ANKRD36: variants seen among roughly 807,000 people sequenced by gnomAD.
ANKRD36 encodes the protein ankyrin repeat domain 36.
A neutral mutation model predicts 278.1 loss-of-function variants in ANKRD36; 179 were observed. The ratio of observed to expected loss-of-function variants is 0.64; its 90% CI spans 0.57 to 0.73. The LOEUF is 0.73. Among genes scored for constraint, ANKRD36 ranks in the 30% least tolerant of loss-of-function variants. The probability of loss-of-function intolerance (pLI) is 0.00; values close to 1 mark genes in which losing one functional copy is unlikely to be tolerated. For synonymous variants in ANKRD36, 320 were observed against 641.1 expected (o/e 0.50, Z 7.57); for missense variants, 1,159 against 1,956.7 (o/e 0.59, Z 7.69).
chr2:97,125,840 A>G (rs906522913), intron 5 of ANKRD36, among the ~76,000 whole-genome samples: 1 of 152,014 alleles, frequency 6.6e-6, no homozygotes, highest in Non-Finnish European at 1.5e-5. Context: ...AGTTAGATTT[A>G]ACAGAGCTAA....
At chr2:97,147,593 G>GT in intron 11 of ANKRD36, among the ~76,000 whole-genome samples, 1 of 148,996 alleles carries the variant, frequency 6.7e-6, no homozygotes, top group Admixed American at 6.7e-5. Context: ...TTGCACTCAG[G>GT]TTTCTTAGTT....
At chr2:97,134,122 A>G (rs898825422) in intron 6 of ANKRD36, among the ~76,000 whole-genome samples, 1 of 152,058 alleles carries the variant, frequency 6.6e-6, no homozygotes, top group Non-Finnish European at 1.5e-5. Flanking sequence ...CATAGTTTTG[A>G]TATGTCCAGC....
chr2:97,178,588 A>G (rs1222689929), intron 22 of ANKRD36, among the ~76,000 whole-genome samples: 1 of 150,410 alleles, frequency 6.6e-6, no homozygotes, highest in East Asian at 2.0e-4. Context: ...ACAAAAAACC[A>G]AACACCGCAT....
chr2:97,150,706 A>T (rs59398154), intron 12 of ANKRD36, among the ~76,000 whole-genome samples: 5,405 of 149,996 alleles, frequency 0.036, 217 homozygotes, highest in African/African-American at 0.12. Flanking sequence ...ATACAGCCTA[A>T]TATCTTCCAA....
At chr2:97,186,679 G>A (rs2057467550) in intron 30 of ANKRD36, among the ~76,000 whole-genome samples, 1 of 151,764 alleles carries the variant, frequency 6.6e-6, no homozygotes, top group Admixed American at 6.6e-5. Context: ...ATCAATTTAG[G>A]ACACTTCACT....
chr2:97,195,404 A>G (rs2059487192), intron 40 of ANKRD36, among the ~76,000 whole-genome samples: 1 of 151,950 alleles, frequency 6.6e-6, no homozygotes, highest in South Asian at 2.1e-4. Context: ...GAAAAGAGGA[A>G]GTCATTTATA....
At chr2:97,228,316 C>T (rs2070663678) in intron 67 of ANKRD36, among the ~76,000 whole-genome samples, 1 of 152,148 alleles carries the variant, frequency 6.6e-6, no homozygotes, top group Middle Eastern at 3.4e-3. Flanking sequence ...ATTTCAGATC[C>T]TGTTATTGGT....
chr2:97,141,366 T>C (rs1210663683), intron 6 of ANKRD36, among the ~76,000 whole-genome samples: 1 of 141,554 alleles, frequency 7.1e-6, no homozygotes, highest in Non-Finnish European at 1.5e-5. Context: ...TGTATGTTTT[T>C]GCAAAAGTGG....
intron 15 of ANKRD36, among the ~76,000 whole-genome samples, chr2:97,155,541 G>A (rs2047233308): frequency 6.8e-6 from 1 of 146,568 alleles, no homozygotes; most frequent in East Asian, 2.0e-4. Context: ...TTTATTAAGA[G>A]TATACTTTAA....
Position 97,135,980 on chromosome 2 carries a change from A to G in ANKRD36, c.800-6660A>G, listed in dbSNP as rs1427615261. Among the ~76,000 whole-genome samples the G allele has an allele frequency of 3.9e-5, 6 of 151,914 alleles. No individual in the cohort carries two copies. In the South Asian group the frequency reaches 8.4e-4, roughly 21 times the overall value. Reference sequence around the variant, plus strand: ...TCCTAAAATCCTCAGAATTTCCAAGATGATATCATCTGTATGCTAATGATT... The same window carrying G: ...TCCTAAAATCCTCAGAATTTCCAAGGTGATATCATCTGTATGCTAATGATT... On this transcript the variant is annotated intron_variant, in intron 6 of 75. Coordinates refer to ENST00000420699, the MANE Select transcript of ANKRD36 (RefSeq NM_001354587.1).
At chr2:97,198,105 C>T (rs2060297338) in intron 42 of ANKRD36, among the ~76,000 whole-genome samples, 1 of 151,910 alleles carries the variant, frequency 6.6e-6, no homozygotes, top group African/African-American at 2.4e-5. Context: ...CATGTGGGTA[C>T]ATGTAGCACC....
chr2:97,145,691 A>AT (rs1439343798), intron 10 of ANKRD36, among the ~76,000 whole-genome samples: 1 of 151,968 alleles, frequency 6.6e-6, no homozygotes, highest in Non-Finnish European at 1.5e-5. Flanking sequence ...AAATTTGATA[A>AT]TTTTTTATAC....
At chr2:97,227,575 G>T (rs1214657409) in intron 67 of ANKRD36, among the ~76,000 whole-genome samples, 1 of 152,054 alleles carries the variant, frequency 6.6e-6, no homozygotes, top group Non-Finnish European at 1.5e-5. Flanking sequence ...CTGCAAACAG[G>T]GACAATTTGA....
chr2:97,205,863 T>C, intron 50 of ANKRD36, 77 bp from the exon 51 acceptor site: 1 of 1,474,826 alleles, frequency 6.8e-7, no homozygotes, highest in Non-Finnish European at 9.2e-7. Context: ...CAGAGGTTGA[T>C]GCTAACTCTG....
At chr2:97,201,695 A>G (rs2061417927) in intron 46 of ANKRD36, among the ~76,000 whole-genome samples, 1 of 151,934 alleles carries the variant, frequency 6.6e-6, no homozygotes, top group South Asian at 2.1e-4. Flanking sequence ...GGACACTTCC[A>G]CGGAAGAGAT....
intron 67 of ANKRD36, among the ~76,000 whole-genome samples, chr2:97,231,333 C>T (rs2071976219): frequency 6.6e-6 from 1 of 152,160 alleles, no homozygotes; most frequent in African/African-American, 2.4e-5. Context: ...CAAGCCTGGG[C>T]AATGGCAGGT....
chr2:97,197,608 C>T (rs571327938), intron 42 of ANKRD36, among the ~76,000 whole-genome samples: 1 of 152,022 alleles, frequency 6.6e-6, no homozygotes, highest in Non-Finnish European at 1.5e-5. Flanking sequence ...ATACTCCCAA[C>T]AAGCCTATTT....
At chr2:97,197,600 A>T (rs1172314783) in intron 42 of ANKRD36, among the ~76,000 whole-genome samples, 1 of 151,888 alleles carries the variant, frequency 6.6e-6, no homozygotes, top group Non-Finnish European at 1.5e-5. Flanking sequence ...ATGACATGAT[A>T]CTCCCAACAA....
intron 15 of ANKRD36, among the ~76,000 whole-genome samples, chr2:97,157,241 A>G (rs1448498784): frequency 6.8e-6 from 1 of 147,360 alleles, no homozygotes; most frequent in Non-Finnish European, 1.5e-5. Flanking sequence ...TAAACTTTTT[A>G]TTACATAAGT....
Sources: allele counts gnomAD v4.1 joint callset (sites outside exome capture counted in the v4.1 genomes callset), GRCh38; gene constraint gnomAD v4.1.1; transcripts MANE v1.5; gene names NCBI Gene and HGNC (gene_info 2026-07-23, HGNC 2026-07-21).